The following SLIT3 variants were observed in gnomAD, a reference collection of about 807,000 sequenced individuals.
The protein encoded by SLIT3 is slit homolog 3 protein.
In SLIT3, 68 loss-of-function variants were observed where a neutral mutation model predicts 184.0. That is an observed-to-expected ratio of 0.37 (90% CI 0.30 to 0.45). The LOEUF (loss-of-function observed/expected upper bound fraction) is 0.45, where lower values mean the gene tolerates loss of function less well. Ranked by LOEUF, SLIT3 falls within the 20% of genes least tolerant of loss-of-function variation. The probability of loss-of-function intolerance (pLI) is 1.00; values close to 1 mark genes in which losing one functional copy is unlikely to be tolerated. For synonymous variants in SLIT3, 831 were observed against 828.6 expected, an observed-to-expected ratio of 1.00 and a Z score of -0.05; for missense variants, 1,707 against 2,026.0, an observed-to-expected ratio of 0.84 and a Z score of 3.02.
chr5:169,114,590 G>C (rs993791438), intron 4 of SLIT3, among the ~76,000 whole-genome samples: 1 of 152,208 alleles, frequency 6.6e-6, no homozygotes, highest in Non-Finnish European at 1.5e-5. Context: ...TAGGGCCAGG[G>C]TGTCCTGGTG....
intron 10 of SLIT3, 70 bp downstream of exon 10, chr5:168,795,437 C>G: frequency 8.5e-7 from 1 of 1,169,726 alleles, no homozygotes; most frequent in Non-Finnish European, 1.3e-6. Flanking sequence ...GACAGGTTGC[C>G]CACTACACAT....
At chr5:168,834,225 A>G (rs1220686177) in intron 6 of SLIT3, among the ~76,000 whole-genome samples, 1 of 152,184 alleles carries the variant, frequency 6.6e-6, no homozygotes, top group Non-Finnish European at 1.5e-5. Flanking sequence ...TTTCTTACCC[A>G]GTTGACTTTG....
intron 4 of SLIT3, among the ~76,000 whole-genome samples, chr5:168,887,758 T>C (rs922339835): frequency 6.6e-6 from 1 of 152,148 alleles, no homozygotes; most frequent in Non-Finnish European, 1.5e-5. Context: ...TGCAGAGCAC[T>C]CTGCACAGCA....
intron 31 of SLIT3, among the ~76,000 whole-genome samples, 181 bp downstream of exon 31, chr5:168,685,506 G>A (rs570140641): frequency 1.3e-5 from 2 of 152,240 alleles, no homozygotes; most frequent in African/African-American, 2.4e-5. Context: ...AGTTTGCAGC[G>A]AGAGCTGGTC....
chr5:168,897,173 T>C (rs1339375951), intron 4 of SLIT3, among the ~76,000 whole-genome samples: 1 of 152,096 alleles, frequency 6.6e-6, no homozygotes, highest in East Asian at 1.9e-4. Flanking sequence ...AGGTCAACAC[T>C]AAGAAAATAA....
chr5:168,806,426 T>A lies in SLIT3; in HGVS notation c.935+20A>T. 2 of 1,613,868 alleles carry A rather than the reference T, an allele frequency of 1.2e-6. No homozygotes were observed. The highest frequency in any genetic ancestry group is 1.7e-6 in the Non-Finnish European group (2 of 1,179,844). ...ATTCTCCGGCGACAGTTGTTGGGGG[T>A]GTCAGACAGGTGCACTTACATTTCG... On this transcript the variant is annotated intron_variant, in intron 9 of 35. Transcript: ENST00000519560.
intron 4 of SLIT3, among the ~76,000 whole-genome samples, chr5:168,932,034 A>G (rs10060697): frequency 0.02 from 2,970 of 152,258 alleles, 109 homozygotes; most frequent in African/African-American, 0.068. Flanking sequence ...ACAAAGTCCC[A>G]GATGGGATGG....
chr5:169,071,916 T>C (rs909346358), intron 4 of SLIT3, among the ~76,000 whole-genome samples: 2 of 152,158 alleles, frequency 1.3e-5, no homozygotes, highest in African/African-American at 2.4e-5. Context: ...GGTTCAAGAC[T>C]CTTGGAACGT....
At chr5:168,955,746 CTG>C in intron 4 of SLIT3, among the ~76,000 whole-genome samples, 1 of 152,238 alleles carries the variant, frequency 6.6e-6, no homozygotes, top group East Asian at 1.9e-4. Flanking sequence ...AATTGAAAGA[CTG>C]TGTTGAGGCC....
chr5:168,905,966 G>A (rs969732522), intron 4 of SLIT3, among the ~76,000 whole-genome samples: 3 of 152,186 alleles, frequency 2.0e-5, no homozygotes, highest in Non-Finnish European at 4.4e-5. Context: ...ACGCGAAAGA[G>A]ATACGAAGAT....
At chr5:169,012,219 T>G (rs555242280) in intron 4 of SLIT3, 226 of 152,334 alleles carry the variant, frequency 1.5e-3, no homozygotes, top group African/African-American at 5.1e-3. Context: ...TCTGCTGACC[T>G]GTGATAACTG....
chr5:168,929,294 G>C (rs141736314), intron 4 of SLIT3, among the ~76,000 whole-genome samples: 13 of 152,324 alleles, frequency 8.5e-5, no homozygotes, highest in African/African-American at 3.1e-4. Context: ...TATTGTTGCT[G>C]TTATAATGGA....
At chr5:169,222,862 C>A (rs1315857459) in intron 3 of SLIT3, among the ~76,000 whole-genome samples, 1 of 152,122 alleles carries the variant, frequency 6.6e-6, no homozygotes, top group Non-Finnish European at 1.5e-5. Flanking sequence ...GGTGAAATCT[C>A]CCCAGCCCAC....
At chr5:168,876,170 C>T (rs1759723454) in intron 5 of SLIT3, among the ~76,000 whole-genome samples, 1 of 152,076 alleles carries the variant, frequency 6.6e-6, no homozygotes, top group African/African-American at 2.4e-5. Context: ...CCCAGCTAGC[C>T]CCTGAGTCCC....
intron 5 of SLIT3, among the ~76,000 whole-genome samples, chr5:168,873,768 C>A (rs909466075): frequency 1.3e-5 from 2 of 152,064 alleles, no homozygotes; most frequent in African/African-American, 4.8e-5. Flanking sequence ...AGTTGAGAAA[C>A]CTGCCCAAGC....
At chr5:169,123,037 A>G (rs530180075) in intron 4 of SLIT3, among the ~76,000 whole-genome samples, 10 of 152,286 alleles carry the variant, frequency 6.6e-5, no homozygotes, top group African/African-American at 2.4e-4. Flanking sequence ...GGAAAAATAC[A>G]TATGAGGGAT....
chr5:169,104,781 A>G (rs1160704391), intron 4 of SLIT3, among the ~76,000 whole-genome samples: 2 of 152,218 alleles, frequency 1.3e-5, no homozygotes, highest in Non-Finnish European at 2.9e-5. Context: ...ACCCCATTCA[A>G]GAATCAGCAG....
At chr5:168,676,645 A>G (rs772796440) in intron 32 of SLIT3, among the ~76,000 whole-genome samples, 1 of 152,224 alleles carries the variant, frequency 6.6e-6, no homozygotes, top group African/African-American at 2.4e-5. Flanking sequence ...ACATGCAAAA[A>G]TATGCAGGTA....
intron 4 of SLIT3, among the ~76,000 whole-genome samples, chr5:169,160,752 A>C (rs2113391230): frequency 6.6e-6 from 1 of 152,194 alleles, no homozygotes; most frequent in South Asian, 2.1e-4. Context: ...TTTTTTCCAC[A>C]TTTCATTGCT....
Sources: gnomAD v4.1 joint callset for allele counts (sites outside exome capture counted in the v4.1 genomes callset) on GRCh38, gnomAD v4.1.1 for gene constraint, MANE v1.5 for transcripts, NCBI Gene and HGNC (gene_info 2026-07-23, HGNC 2026-07-21) for gene names.